TRPC1: variants seen among roughly 807,000 people sequenced by gnomAD.
TRPC1 encodes the protein transient receptor potential cation channel subfamily C member 1.
A neutral mutation model predicts 88.2 loss-of-function variants in TRPC1; 42 were observed. That is an observed-to-expected ratio of 0.48 (90% CI 0.37 to 0.62). TRPC1 has a LOEUF of 0.62. TRPC1 is among the 20% of genes least tolerant of loss of function. The probability of loss-of-function intolerance (pLI) is 0.00; values close to 1 mark genes in which losing one functional copy is unlikely to be tolerated. For missense variants in TRPC1, 699 were observed against 957.3 expected (o/e 0.73, Z 3.56); for synonymous variants, 288 against 331.8 (o/e 0.87, Z 1.43).
chr3:142,752,285 A>T (rs181384959), intron 4 of TRPC1, among the ~76,000 whole-genome samples: 1 of 152,402 alleles, frequency 6.6e-6, no homozygotes, highest in African/African-American at 2.4e-5. Context: ...GGGTGATAAT[A>T]AGGAGAAGGT....
chr3:142,803,886 TTTTA>T (rs1936696418), intron 10 of TRPC1, 87 bp from the exon 11 acceptor site: 1 of 1,302,744 alleles, frequency 7.7e-7, no homozygotes, highest in East Asian at 2.5e-5. Context: ...ATTATCAATG[TTTTA>T]TTTAAATAAT....
intron 3 of TRPC1, among the ~76,000 whole-genome samples, chr3:142,744,757 A>G (rs1028519338): frequency 6.6e-6 from 1 of 151,976 alleles, no homozygotes; most frequent in East Asian, 1.9e-4. Context: ...TACTCTTTTT[A>G]TTTTTCTTTA....
rs897522062 is a variant in TRPC1, at chr3:142,724,499, G to A, written c.-61G>A. ...CTGGGGCGTGGCTGGGGTCGGGGTC[G>A]GGGTCGGGGCCGGTGGGGGCCCCGC... is the stretch of plus-strand genomic sequence containing the variant. On this transcript the variant is annotated 5_prime_UTR_variant, in exon 1 of 13. Transcript: ENST00000476941. The surrounding 1 kb of genome is among the most constrained non-coding windows in gnomAD (Gnocchi z 5.6). 71 of 1,442,822 alleles carry A rather than the reference G, an allele frequency of 4.9e-5. No individual in the cohort carries two copies. Among genetic ancestry groups the A allele is most frequent in the Non-Finnish European group, 6.3e-5 (69 of 1,098,582 alleles). 89.4% of individuals were successfully genotyped at this position (1,442,822 alleles called of 1,614,324 possible).
chr3:142,778,485 T>G (rs2108112416), intron 5 of TRPC1, among the ~76,000 whole-genome samples: 1 of 152,142 alleles, frequency 6.6e-6, no homozygotes, highest in Admixed American at 6.5e-5. Context: ...TTTAAAAAAA[T>G]CCTTAGAAAA....
chr3:142,731,446 G>A (rs567235775), intron 1 of TRPC1, among the ~76,000 whole-genome samples: 7 of 140,316 alleles, frequency 5.0e-5, no homozygotes, highest in Admixed American at 3.8e-4. Flanking sequence ...GTGCAGTGGC[G>A]TGATCTCGGT....
intron 8 of TRPC1, 47 bp downstream of exon 8, chr3:142,791,205 G>T: frequency 1.3e-6 from 2 of 1,524,538 alleles, no homozygotes; most frequent in Non-Finnish European, 1.8e-6. Flanking sequence ...AGTTTATTTT[G>T]GAAATAGCTA....
chr3:142,803,866 C>A (rs1936695662), intron 10 of TRPC1, 111 bp from the exon 11 acceptor site: 2 of 1,135,104 alleles, frequency 1.8e-6, no homozygotes, highest in South Asian at 1.5e-5. Flanking sequence ...AAATAAGGAA[C>A]TTTTCATGGA....
At chr3:142,737,249 T>G (rs184436110) in intron 2 of TRPC1, among the ~76,000 whole-genome samples, 1 of 151,944 alleles carries the variant, frequency 6.6e-6, no homozygotes, top group Admixed American at 6.6e-5. Context: ...GGCACATTTT[T>G]TTTGAGTGAC....
intron 4 of TRPC1, among the ~76,000 whole-genome samples, chr3:142,761,025 C>T (rs1241548351): frequency 6.6e-6 from 1 of 151,968 alleles, no homozygotes; most frequent in Non-Finnish European, 1.5e-5. Flanking sequence ...AAGATCATGT[C>T]ATCTGAGAAC....
intron 4 of TRPC1, among the ~76,000 whole-genome samples, chr3:142,762,566 C>T (rs1034447941): frequency 4.0e-5 from 6 of 150,752 alleles, no homozygotes; most frequent in African/African-American, 1.5e-4. Flanking sequence ...GTAGCTGGGA[C>T]TACAGGTGTC....
intron 4 of TRPC1, among the ~76,000 whole-genome samples, chr3:142,773,827 T>A (rs909472581): frequency 1.3e-5 from 2 of 150,726 alleles, no homozygotes; most frequent in Admixed American, 1.3e-4. Flanking sequence ...GTGGTAAACC[T>A]CTAATGTTGC....
At position 142,763,999 on chromosome 3, in the gene TRPC1, C is replaced by CAT. The variant is rs1387615813; in HGVS notation, c.633-13617_633-13616dup. On this transcript the variant is annotated intron_variant, in intron 4 of 12. Transcript: ENST00000476941. ...ATATATATATACACATACATACATACATATATATATATATATAACAAATTA... is the reference window on the plus strand; with the variant it reads ...ATATATATATACACATACATACATACATATATATATATATATATAACAAATTA... Among the ~76,000 whole-genome samples the CAT allele has an allele frequency of 7.3e-3, 289 of 39,834 alleles. 1 individual carries two copies. The highest frequency in any genetic ancestry group is 0.048 in the Middle Eastern group (3 of 62). The allele number at this position is 39,834 out of a possible 152,430, so 26.1% of individuals were successfully genotyped here.
In TRPC1 at chr3:142,777,373, C is replaced by T. The variant is rs140242616; in HGVS notation, c.633-259C>T. Among the ~76,000 whole-genome samples the T allele has an allele frequency of 1.7e-4, 26 of 152,020 alleles. No homozygotes were observed. The East Asian group carries it at 5.0e-3, about 29-fold the overall frequency. On this transcript the variant is annotated intron_variant, in intron 4 of 12. Transcript: ENST00000476941. Reference sequence around the variant, plus strand: ...ATTAAACAAAAATCTTTATATTATACCAAAGGCATTTTGAATCTATGAAAA... The same window carrying T: ...ATTAAACAAAAATCTTTATATTATATCAAAGGCATTTTGAATCTATGAAAA...
At chr3:142,759,284 T>A (rs1271540077) in intron 4 of TRPC1, among the ~76,000 whole-genome samples, 1 of 152,226 alleles carries the variant, frequency 6.6e-6, no homozygotes, top group Non-Finnish European at 1.5e-5. Flanking sequence ...TAGTTTACAG[T>A]CCCACCAACA....
intron 4 of TRPC1, among the ~76,000 whole-genome samples, chr3:142,756,707 T>G (rs1003727426): frequency 6.6e-6 from 1 of 152,170 alleles, no homozygotes; most frequent in African/African-American, 2.4e-5. Context: ...AACTTGATAT[T>G]GCTGGTCTTT....
chr3:142,802,724 G>A (rs552834711), intron 10 of TRPC1, among the ~76,000 whole-genome samples: 63 of 152,132 alleles, frequency 4.1e-4, no homozygotes, highest in African/African-American at 1.4e-3. Context: ...AGCCAAAAAC[G>A]CTCACAGCTT....
intron 2 of TRPC1, among the ~76,000 whole-genome samples, chr3:142,741,994 C>T (rs1465527047): frequency 6.6e-6 from 1 of 152,034 alleles, no homozygotes; most frequent in Non-Finnish European, 1.5e-5. Context: ...GAAACCCTGT[C>T]TTTACTAAAA....
At chr3:142,766,877 C>A (rs1935412706) in intron 4 of TRPC1, among the ~76,000 whole-genome samples, 1 of 152,212 alleles carries the variant, frequency 6.6e-6, no homozygotes, top group African/African-American at 2.4e-5. Context: ...CTCTAGAGAA[C>A]TCTAATACAC....
Position 142,767,299 on chromosome 3 carries a change from A to T in TRPC1, c.633-10333A>T, listed in dbSNP as rs1270521014. ...AAAGCTAACTTAAAAAGATGTTTAGATCTTTCCCATTTTTAAATTAGTTGC... is the reference window on the plus strand; with the variant it reads ...AAAGCTAACTTAAAAAGATGTTTAGTTCTTTCCCATTTTTAAATTAGTTGC... On this transcript the variant is annotated intron_variant, in intron 4 of 12. Transcript: ENST00000476941. This position sits in a 1 kb window ranked among gnomAD's most constrained non-coding sequence, Gnocchi z 5.1. 6.6e-6 allele frequency among the ~76,000 whole-genome samples: 1 copy of T among 152,018 alleles called. No homozygotes were observed. Among genetic ancestry groups the T allele is most frequent in the Non-Finnish European group, 1.5e-5 (1 of 67,960 alleles).
Sources: allele counts gnomAD v4.1 joint callset (sites outside exome capture counted in the v4.1 genomes callset), GRCh38; gene constraint gnomAD v4.1.1; non-coding constraint Gnocchi (gnomAD v3.1); transcripts MANE v1.5; gene names NCBI Gene and HGNC (gene_info 2026-07-23, HGNC 2026-07-21).